RSRC1: variants seen among roughly 807,000 people sequenced by gnomAD.
RSRC1 encodes the protein serine/Arginine-related protein 53.
RSRC1 carries 39 observed loss-of-function variants against 49.1 expected under a neutral mutation model. That is an observed-to-expected ratio of 0.79 (90% CI 0.61 to 1.04). RSRC1 has a LOEUF of 1.04. Among genes scored for constraint, RSRC1 ranks in the 50% least tolerant of loss-of-function variants. The pLI, the probability that RSRC1 is intolerant of heterozygous loss-of-function variation, is 0.00. For missense variants in RSRC1, 388 were observed against 402.4 expected (o/e 0.96, Z 0.31); for synonymous variants, 143 against 130.8 (o/e 1.09, Z -0.63).
intron 7 of RSRC1, among the ~76,000 whole-genome samples, chr3:158,507,754 A>T (rs761371735): frequency 6.6e-6 from 1 of 152,154 alleles, no homozygotes; most frequent in Non-Finnish European, 1.5e-5. Flanking sequence ...TTTTAATAAG[A>T]ATTCGAATAA....
chr3:158,529,567 G>A (rs548708853), intron 7 of RSRC1, among the ~76,000 whole-genome samples: 10 of 151,954 alleles, frequency 6.6e-5, no homozygotes, highest in Admixed American at 2.6e-4. Flanking sequence ...AGTGCTCAGC[G>A]CAGAGTGCCT....
At chr3:158,255,246 G>A (rs1724471187) in intron 4 of RSRC1, among the ~76,000 whole-genome samples, 4 of 152,094 alleles carry the variant, frequency 2.6e-5, no homozygotes, top group African/African-American at 9.7e-5. Flanking sequence ...TTTGTATAAG[G>A]TGTAAGGAAG....
At chr3:158,128,187 C>T (rs1367966998) in intron 3 of RSRC1, among the ~76,000 whole-genome samples, 2 of 152,082 alleles carry the variant, frequency 1.3e-5, no homozygotes, top group African/African-American at 4.8e-5. Flanking sequence ...TTGGGTGGCC[C>T]TCAGAAAAGT....
chr3:158,433,495 C>G (rs1292369114), intron 6 of RSRC1, among the ~76,000 whole-genome samples: 1 of 151,922 alleles, frequency 6.6e-6, no homozygotes, highest in African/African-American at 2.4e-5. Context: ...CCAGGTTAAA[C>G]TGGTGAGGCT....
intron 3 of RSRC1, among the ~76,000 whole-genome samples, chr3:158,202,163 T>C (rs1721082861): frequency 6.6e-6 from 1 of 152,040 alleles, no homozygotes; most frequent in Admixed American, 6.6e-5. Flanking sequence ...TACAGGCATG[T>C]GCCACCACGC....
intron 4 of RSRC1, among the ~76,000 whole-genome samples, chr3:158,251,105 A>G (rs1724186837): frequency 6.6e-6 from 1 of 152,100 alleles, no homozygotes; most frequent in African/African-American, 2.4e-5. Flanking sequence ...TGTTCATGAC[A>G]CCTTTGTTGA....
chr3:158,536,440 C>G (rs1185314660), intron 7 of RSRC1, among the ~76,000 whole-genome samples: 1 of 151,210 alleles, frequency 6.6e-6, no homozygotes, highest in East Asian at 1.9e-4. Context: ...ATGTGTGGAC[C>G]TTGTTTGGTT....
chr3:158,376,137 A>ATCCCTCCCTCCCTCCC (rs58871024), intron 6 of RSRC1, among the ~76,000 whole-genome samples: 46 of 88,614 alleles, frequency 5.2e-4, no homozygotes, highest in African/African-American at 2.8e-3. Context: ...GAAAGAATAT[A>ATCCCTCCCTCCCTCCC]TCCCTCCCTC....
At chr3:158,360,164 TTGG>T (rs1478514222) in intron 6 of RSRC1, among the ~76,000 whole-genome samples, 18 of 151,794 alleles carry the variant, frequency 1.2e-4, no homozygotes, top group Non-Finnish European at 1.5e-5. Context: ...AGCCCTAGAG[TTGG>T]TGGCTCCTCT....
intron 4 of RSRC1, among the ~76,000 whole-genome samples, chr3:158,235,281 C>T (rs941246275): frequency 6.6e-6 from 1 of 152,108 alleles, no homozygotes; most frequent in African/African-American, 2.4e-5. Context: ...GAATCAGCCA[C>T]TTATGCAAAT....
intron 6 of RSRC1, among the ~76,000 whole-genome samples, chr3:158,368,507 C>T (rs183120443): frequency 7.2e-5 from 11 of 152,334 alleles, no homozygotes; most frequent in Admixed American, 4.6e-4. Flanking sequence ...AGCAGGTTCC[C>T]TTGACCATGG....
At chr3:158,276,845 G>A (rs949191918) in intron 4 of RSRC1, among the ~76,000 whole-genome samples, 1 of 152,110 alleles carries the variant, frequency 6.6e-6, no homozygotes, top group African/African-American at 2.4e-5. Flanking sequence ...TGATTGTCAT[G>A]CAAATATCAA....
At chr3:158,457,621 G>A (rs1737398939) in intron 6 of RSRC1, among the ~76,000 whole-genome samples, 1 of 152,018 alleles carries the variant, frequency 6.6e-6, no homozygotes, top group South Asian at 2.1e-4. Flanking sequence ...GTGAGCAAAA[G>A]AAACAGCAGC....
intron 6 of RSRC1, among the ~76,000 whole-genome samples, chr3:158,429,101 A>C (rs1478090615): frequency 6.6e-6 from 1 of 151,878 alleles, no homozygotes; most frequent in Admixed American, 6.6e-5. Flanking sequence ...TGATTTAGGC[A>C]TCATTATTAG....
intron 4 of RSRC1, among the ~76,000 whole-genome samples, chr3:158,294,123 T>G (rs1727098237): frequency 6.6e-6 from 1 of 152,110 alleles, no homozygotes; most frequent in South Asian, 2.1e-4. Context: ...TCCATTTTTT[T>G]TAACCCTCCT....
rs1737350699 is a variant in RSRC1, at chr3:158,456,795, G to T, written c.584-4140G>T. Among the ~76,000 whole-genome samples, 3 of 152,150 alleles carry T rather than the reference G, an allele frequency of 2.0e-5. No individual in the cohort carries two copies. In the South Asian group the frequency reaches 6.2e-4, roughly 32 times the overall value. On this transcript the variant is annotated intron_variant, in intron 6 of 9. Coordinates refer to ENST00000611884, the MANE Select transcript of RSRC1 (RefSeq NM_001271838.2). ...TTATATAGATCCTTGGAGTGAGAAA[G>T]GAGAAGTAGTAAGTGATGACATTGA...
At chr3:158,229,249 A>C (rs1226033348) in intron 4 of RSRC1, among the ~76,000 whole-genome samples, 4 of 149,776 alleles carry the variant, frequency 2.7e-5, no homozygotes, top group South Asian at 2.1e-4. Context: ...TATGTATATA[A>C]ACATACATGT....
intron 7 of RSRC1, among the ~76,000 whole-genome samples, chr3:158,476,814 G>C (rs1738387941): frequency 6.6e-6 from 1 of 152,158 alleles, no homozygotes; most frequent in African/African-American, 2.4e-5. Context: ...TGTGGGGCTA[G>C]AGCTGCCATA....
At position 158,239,721 on chromosome 3, in the gene RSRC1, T is replaced by TA. The variant is rs548958560; in HGVS notation, c.494+36485dup. Among the ~76,000 whole-genome samples, 11 of 151,142 alleles carry TA rather than the reference T, an allele frequency of 7.3e-5. 1 individual carries two copies. The highest frequency in any genetic ancestry group is 8.9e-5 in the Non-Finnish European group (6 of 67,674). ...ACATGTACCCTAGAACTTAAAGTAT[T>TA]AAAAAAAAATGGTTCACCTTTTCAT... On this transcript the variant is annotated intron_variant, in intron 4 of 9. Transcript: ENST00000611884.
Sources: gnomAD v4.1 joint callset for allele counts (sites outside exome capture counted in the v4.1 genomes callset) on GRCh38, gnomAD v4.1.1 for gene constraint, MANE v1.5 for transcripts, NCBI Gene and HGNC (gene_info 2026-07-23, HGNC 2026-07-21) for gene names.